The following DNMT3A variants were observed in gnomAD, a reference collection of about 807,000 sequenced individuals.
DNMT3A encodes the protein DNA methyltransferase 3 alpha, also known as DNA (cytosine-5)-methyltransferase 3A.
DNMT3A carries 267 observed loss-of-function variants against 117.6 expected under a neutral mutation model. The observed-to-expected ratio is 2.27, with a 90% CI of 2.05 to 2.51. DNMT3A has a LOEUF of 2.51. Among genes scored for constraint, DNMT3A ranks in the 30% most tolerant of loss-of-function variants. The probability of loss-of-function intolerance (pLI) is 0.00; values close to 1 mark genes in which losing one functional copy is unlikely to be tolerated. For missense variants in DNMT3A, 1,029 were observed against 1,260.2 expected, an observed-to-expected ratio of 0.82 and a Z score of 2.78; for synonymous variants, 432 against 474.8, an observed-to-expected ratio of 0.91 and a Z score of 1.17.
chr2:25,274,190 C>T (rs1029672912), intron 6 of DNMT3A, among the ~76,000 whole-genome samples: 41 of 152,210 alleles, frequency 2.7e-4, no homozygotes, highest in Non-Finnish European at 5.7e-4. Flanking sequence ...GGCCAGACCC[C>T]TGTGAGTCCT....
intron 4 of DNMT3A, among the ~76,000 whole-genome samples, chr2:25,276,377 T>TA (rs56061115): frequency 0.056 from 8,575 of 152,260 alleles, 243 homozygotes; most frequent in African/African-American, 0.059. Flanking sequence ...GAGCATTAAG[T>TA]GCCTACTGTG....
At chr2:25,246,433 C>CGTT (rs1674781555) in intron 10 of DNMT3A, 124 bp from the exon 11 acceptor site, 1 of 1,438,304 alleles carries the variant, frequency 7.0e-7, no homozygotes, top group African/African-American at 1.4e-5. Flanking sequence ...CCCAACTCTA[C>CGTT]GGTTCTAGCC....
rs750108934 is a variant in DNMT3A at position 25,246,679 on chromosome 2, A to G, written c.1220T>C (p.Ile407Thr). Reference sequence around the variant, plus strand: ...CTGGAAGCCCCCCAGGGCCCATTCAATCATGGGCTTGTTCTGCACCTCCAC... The same window carrying G: ...CTGGAAGCCCCCCAGGGCCCATTCAGTCATGGGCTTGTTCTGCACCTCCAC... ...KAVEVQNKPMIEWALGGFQPS... is the reference protein window; with the variant it reads ...KAVEVQNKPMTEWALGGFQPS... The change falls in exon 10 of 23, where the codon ATT becomes ACT. Residue 407 changes from isoleucine (I) to threonine (T), a missense_variant. Physicochemically the swap from Ile to Thr is moderately conservative, Grantham distance 89. Coordinates refer to ENST00000321117, the MANE Select transcript of DNMT3A (RefSeq NM_022552.5). 2.5e-6 allele frequency: 4 copies of G among 1,613,584 alleles called. No individual in the cohort carries two copies. Among genetic ancestry groups the G allele is most frequent in the Non-Finnish European group, 2.5e-6 (3 of 1,179,976 alleles).
At chr2:25,249,838 C>G in intron 6 of DNMT3A, 1 of 1,253,978 alleles carries the variant, frequency 8.0e-7, no homozygotes, top group Non-Finnish European at 1.2e-6. Context: ...TCCACCATAC[C>G]AGATTTAGAG....
At chr2:25,301,515 G>T (rs761944738) in intron 2 of DNMT3A, among the ~76,000 whole-genome samples, 2 of 151,942 alleles carry the variant, frequency 1.3e-5, no homozygotes, top group African/African-American at 4.8e-5. Flanking sequence ...TTTACTCCCC[G>T]CCCCTCACAT....
rs930607063 is a variant in DNMT3A, at chr2:25,286,358, G to A, written c.178-3647C>T. ...CCAGAGATGCCCCCAAAGCCAGGTG[G>A]GAGCCGGGCATGCTGGGCAGATGAT... On this transcript the variant is annotated intron_variant, in intron 3 of 22. Coordinates refer to ENST00000321117, the MANE Select transcript of DNMT3A (RefSeq NM_022552.5). This position sits in a 1 kb window ranked among gnomAD's most constrained non-coding sequence, Gnocchi z 4.3. Among the ~76,000 whole-genome samples, 11 of 152,214 alleles carry A rather than the reference G, an allele frequency of 7.2e-5. No homozygotes were observed. The highest frequency in any genetic ancestry group is 2.7e-4 in the African/African-American group (11 of 41,456).
At position 25,329,681 on chromosome 2, in the gene DNMT3A, A is replaced by C. The variant is rs895631900; in HGVS notation, c.-178+12145T>G. The stretch of plus-strand genomic sequence containing the variant: ...TCACAGTCATGCAGACCCCACACAC[A>C]CACACACACACACACACACACACAC... On this transcript the variant is annotated intron_variant, in intron 1 of 22. Transcript: ENST00000321117. 3.9e-3 allele frequency among the ~76,000 whole-genome samples: 568 copies of C among 146,040 alleles called. 9 individuals carry two copies. The highest frequency in any genetic ancestry group is 0.014 in the African/African-American group (535 of 38,058).
Position 25,316,348 on chromosome 2 carries a change from T to C in DNMT3A, c.-177-2187A>G, listed in dbSNP as rs530399991. Among the ~76,000 whole-genome samples, 7 of 152,292 alleles carry C rather than the reference T, an allele frequency of 4.6e-5. No individual in the cohort carries two copies. The East Asian group carries it at 1.4e-3, about 29-fold the overall frequency. On this transcript the variant is annotated intron_variant, in intron 1 of 22. Transcript: ENST00000321117. ...CAGACAGGAAAGGAAAGGAAGATTC[T>C]CTTCCTCCTCCCCTTCCTCCACCCA...
At chr2:25,308,039 C>T (rs2033876858) in intron 2 of DNMT3A, among the ~76,000 whole-genome samples, 1 of 152,132 alleles carries the variant, frequency 6.6e-6, no homozygotes, top group Non-Finnish European at 1.5e-5. Context: ...GACAACATTC[C>T]CTTCACGTGC....
chr2:25,288,316 C>T (rs2032477443), intron 3 of DNMT3A, among the ~76,000 whole-genome samples: 1 of 151,906 alleles, frequency 6.6e-6, no homozygotes. Context: ...CGCCTGTAGT[C>T]CCAGCTGCTG....
rs1243115543 is a variant in DNMT3A at position 25,230,393 on chromosome 2, C to T, written c.*3886G>A. ...CTGGCTACCTCCCCCAGGCAAGAGC[C>T]ACGGATCTCTTTGGCATCATGCGCC... is the stretch of plus-strand genomic sequence containing the variant. On this transcript the variant is annotated 3_prime_UTR_variant, in exon 23 of 23. Transcript: ENST00000321117. 6.6e-6 allele frequency: 1 copy of T among 152,220 alleles called. No individual in the cohort carries two copies. Among genetic ancestry groups the T allele is most frequent in the Non-Finnish European group, 1.5e-5 (1 of 68,072 alleles). The allele number at this position is 152,220 out of a possible 1,614,324, so 9.4% of individuals were successfully genotyped here.
intron 6 of DNMT3A, among the ~76,000 whole-genome samples, chr2:25,259,338 C>A (rs1261481154): frequency 3.9e-5 from 6 of 152,158 alleles, no homozygotes; most frequent in Non-Finnish European, 8.8e-5. Flanking sequence ...CCCACTGATA[C>A]CGGATCTCAG....
chr2:25,270,681 G>T (rs2030800307), intron 6 of DNMT3A, among the ~76,000 whole-genome samples: 2 of 152,156 alleles, frequency 1.3e-5, no homozygotes, highest in African/African-American at 4.8e-5. Flanking sequence ...GGGGGGTGGA[G>T]ATCTGGGGAT....
At chr2:25,340,952 G>T (rs186266530) in intron 1 of DNMT3A, among the ~76,000 whole-genome samples, 2 of 144,040 alleles carry the variant, frequency 1.4e-5, no homozygotes. Context: ...CACGGCCCGC[G>T]GTGGGGACAG....
At chr2:25,244,888 GCACCAC>G (rs1174115306) in intron 13 of DNMT3A, among the ~76,000 whole-genome samples, 1 of 152,222 alleles carries the variant, frequency 6.6e-6, no homozygotes, top group Non-Finnish European at 1.5e-5. Flanking sequence ...GGAGGGGGCT[GCACCAC>G]CACCTTGGGC....
rs1197306607 is a variant in DNMT3A at position 25,300,154 on chromosome 2, C to T, written c.162G>A (p.Lys54=). 1.4e-5 allele frequency: 23 copies of T among 1,613,362 alleles called. No homozygotes were observed. Among genetic ancestry groups the T allele is most frequent in the Non-Finnish European group, 1.9e-5 (23 of 1,179,934 alleles). ...TARKVGRPGR[K]RKHPPVESGD... ...TGACACTCACCGGGGGGTGCTTGCG[C>T]TTCCTCCCAGGCCGCCCCACCTTCC... Residue 54 remains lysine, a synonymous_variant, in exon 3 of 23, where the codon AAG becomes AAA. Transcript: ENST00000321117.
intron 3 of DNMT3A, among the ~76,000 whole-genome samples, chr2:25,284,645 TAAAAAAAAAAAAAAAA>T (rs56901099): frequency 1.2e-4 from 2 of 16,632 alleles, no homozygotes; most frequent in East Asian, 1.1e-3. Flanking sequence ...AGACTCCATC[TAAAAAAAAAAAAAAAA>T]AAAAAAAAAA....
In DNMT3A at chr2:25,306,636, G is replaced by A. The variant is rs1453555857; in HGVS notation, c.73-6393C>T. ...TGTCCACAGCCTGTCCACCTGGCTGGGGCCTCATTGTCTTCTGGAGGTGCA... is the reference window on the plus strand; with the variant it reads ...TGTCCACAGCCTGTCCACCTGGCTGAGGCCTCATTGTCTTCTGGAGGTGCA... On this transcript the variant is annotated intron_variant, in intron 2 of 22. Transcript: ENST00000321117. The surrounding 1 kb of genome is among the most constrained non-coding windows in gnomAD (Gnocchi z 4.1). 6.6e-6 allele frequency among the ~76,000 whole-genome samples: 1 copy of A among 152,120 alleles called. No individual in the cohort carries two copies. Among genetic ancestry groups the A allele is most frequent in the Non-Finnish European group, 1.5e-5 (1 of 68,032 alleles).
chr2:25,292,348 T>TCAAAAA (rs748919965), intron 3 of DNMT3A, among the ~76,000 whole-genome samples: 8 of 121,302 alleles, frequency 6.6e-5, no homozygotes, highest in African/African-American at 2.4e-4. Context: ...AGAATCTGTC[T>TCAAAAA]CAAAAACAAA....
Sources: allele counts gnomAD v4.1 joint callset (sites outside exome capture counted in the v4.1 genomes callset), GRCh38; gene constraint gnomAD v4.1.1; non-coding constraint Gnocchi (gnomAD v3.1); transcripts MANE v1.5; gene names NCBI Gene and HGNC (gene_info 2026-07-23, HGNC 2026-07-21).